The following THADA variants were observed in gnomAD, a reference collection of about 807,000 sequenced individuals.
THADA encodes THADA armadillo repeat containing, also known as tRNA (32-2'-O)-methyltransferase regulator THADA.
In THADA, 213 loss-of-function variants were observed where a neutral mutation model predicts 219.8. That is an observed-to-expected ratio of 0.97 (90% CI 0.87 to 1.09). The LOEUF (loss-of-function observed/expected upper bound fraction) is 1.09, where lower values mean the gene tolerates loss of function less well. Ranked by LOEUF, THADA falls within the 50% of genes least tolerant of loss-of-function variation. THADA has a pLI of 0.00. For missense variants in THADA, 2,956 were observed against 2,311.3 expected (o/e 1.28, Z -5.72); for synonymous variants, 1,018 against 828.9 (o/e 1.23, Z -3.92).
chr2:43,255,851 A>G (rs1464246201), intron 36 of THADA, among the ~76,000 whole-genome samples: 1 of 152,174 alleles, frequency 6.6e-6, no homozygotes, highest in African/African-American at 2.4e-5. Flanking sequence ...TTTCATTCCC[A>G]TCAAAGGTGA....
chr2:43,341,273 G>A (rs1219527400), intron 30 of THADA, among the ~76,000 whole-genome samples: 2 of 152,198 alleles, frequency 1.3e-5, no homozygotes, highest in African/African-American at 4.8e-5. Context: ...GGGCAAGGAA[G>A]GTGGAAACCC....
chr2:43,538,612 T>C (rs888665052), intron 21 of THADA: 6 of 142,114 alleles, frequency 4.2e-5, no homozygotes, highest in Non-Finnish European at 7.5e-5. Flanking sequence ...AAAAATTAAA[T>C]GAGCAGCTCA....
intron 26 of THADA, among the ~76,000 whole-genome samples, chr2:43,434,543 C>T (rs530464279): frequency 2.6e-5 from 4 of 152,218 alleles, no homozygotes; most frequent in Admixed American, 6.5e-5. Context: ...GGCACATGGG[C>T]GGAGGAACAC....
At chr2:43,468,157 TAGCC>T (rs2104951884) in intron 26 of THADA, among the ~76,000 whole-genome samples, 1 of 152,334 alleles carries the variant, frequency 6.6e-6, no homozygotes, top group East Asian at 1.9e-4. Context: ...TAAATGAAAA[TAGCC>T]AGTCACACGG....
At chr2:43,580,772 C>G (rs554839028) in intron 8 of THADA, among the ~76,000 whole-genome samples, 10 of 151,710 alleles carry the variant, frequency 6.6e-5, no homozygotes, top group African/African-American at 2.4e-4. Context: ...CCCAGCTACT[C>G]GGGAGGCTGA....
At position 43,581,896 on chromosome 2, in the gene THADA, T is replaced by C. The variant is rs946649968; in HGVS notation, c.566A>G (p.Gln189Arg). ...GCCTACCAGTAAGTCATTCATCAAC[T>C]GTGTTTGAATAATATGATTTCCAGC... Reference protein sequence around the residue: ...KCAGNHIIQTQLMNDLLVGIR... With the variant: ...KCAGNHIIQTRLMNDLLVGIR... The change falls in exon 8 of 38, where the codon CAG becomes CGG. Residue 189 changes from glutamine (Q) to arginine (R), a missense_variant. Gln to Arg is a conservative substitution (Grantham distance 43). Transcript: ENST00000405975. 5 of 1,567,210 alleles carry C rather than the reference T, an allele frequency of 3.2e-6. No individual in the cohort carries two copies. The highest frequency in any genetic ancestry group is 4.1e-5 in the Admixed American group (2 of 48,954).
At chr2:43,491,273 C>G (rs1687603360) in intron 25 of THADA, among the ~76,000 whole-genome samples, 1 of 152,200 alleles carries the variant, frequency 6.6e-6, no homozygotes, top group Admixed American at 6.5e-5. Flanking sequence ...TGATAGCAAT[C>G]TTAATGTGAG....
Position 43,571,048 on chromosome 2 carries a change from G to A in THADA, c.2065-538C>T, listed in dbSNP as rs150995638. 2.9e-3 allele frequency among the ~76,000 whole-genome samples: 448 copies of A among 152,198 alleles called. 4 individuals are homozygous for A. Among genetic ancestry groups the A allele is most frequent in the African/African-American group, 9.5e-3 (395 of 41,538 alleles). ...AGGTGGCAGGACCACTAGAGTCCAG[G>A]AGTTTAAGACCAGCCTGGGTAACAG... On this transcript the variant is annotated intron_variant, in intron 13 of 37. Transcript: ENST00000405975.
chr2:43,337,800 G>A (rs1666634627), intron 30 of THADA, among the ~76,000 whole-genome samples: 1 of 151,984 alleles, frequency 6.6e-6, no homozygotes, highest in African/African-American at 2.4e-5. Flanking sequence ...GCCAGCAATG[G>A]TTAGGTAAAT....
At chr2:43,559,857 T>C (rs1468633721) in intron 16 of THADA, among the ~76,000 whole-genome samples, 1 of 152,188 alleles carries the variant, frequency 6.6e-6, no homozygotes, top group Non-Finnish European at 1.5e-5. Flanking sequence ...AGGGAGATTA[T>C]CTCGAAAAAT....
In THADA at chr2:43,515,235, A is replaced by T. The variant is rs867040090; in HGVS notation, c.3375-6455T>A. 7.4e-3 allele frequency among the ~76,000 whole-genome samples: 142 copies of T among 19,096 alleles called. 16 individuals carry two copies. The highest frequency in any genetic ancestry group is 0.011 in the African/African-American group (44 of 3,974). 12.5% of individuals were successfully genotyped at this position (19,096 alleles called of 152,430 possible). A position where few individuals can be genotyped will look rare whatever the true frequency, so the allele number is the denominator to read the frequency against. On this transcript the variant is annotated intron_variant, in intron 22 of 37. Transcript: ENST00000405975. The stretch of plus-strand genomic sequence containing the variant: ...ATATAATATATTATATATAATATAT[A>T]ATATATAATATATTATATATAATAT...
chr2:43,291,971 AC>A, intron 33 of THADA, 132 bp downstream of exon 33: 1 of 760,436 alleles, frequency 1.3e-6, no homozygotes, highest in Non-Finnish European at 2.1e-6. Context: ...TGAGTTTAGA[AC>A]TCTTAGGCTG....
At chr2:43,416,845 A>G (rs1196024888) in intron 28 of THADA, among the ~76,000 whole-genome samples, 1 of 152,254 alleles carries the variant, frequency 6.6e-6, no homozygotes, top group African/African-American at 2.4e-5. Flanking sequence ...TTACTTATCC[A>G]TTAAAGCAGT....
rs1471067032 is a variant in THADA at position 43,573,064 on chromosome 2, A to G, written c.1730-72T>C. On this transcript the variant is annotated intron_variant, in intron 11 of 37. Coordinates refer to ENST00000405975, the MANE Select transcript of THADA (RefSeq NM_022065.5). The stretch of plus-strand genomic sequence containing the variant: ...CTATAATTATCAGCTGCTAATTTTC[A>G]TGTTTCCAATTAACATTTTATTTCA... The G allele has an allele frequency of 1.7e-5, 21 of 1,202,696 alleles. No homozygotes were observed. In the Admixed American group the frequency reaches 5.1e-4, roughly 29 times the overall value. 74.5% of individuals were successfully genotyped at this position (1,202,696 alleles called of 1,614,324 possible). A position where few individuals can be genotyped will look rare whatever the true frequency, so the allele number is the denominator to read the frequency against.
At chr2:43,241,072 G>C (rs1274417362) in intron 36 of THADA, among the ~76,000 whole-genome samples, 1 of 152,094 alleles carries the variant, frequency 6.6e-6, no homozygotes, top group African/African-American at 2.4e-5. Context: ...ACCGGGCCCA[G>C]GTGGACCCCT....
At chr2:43,516,623 G>A (rs1205700118) in intron 22 of THADA, among the ~76,000 whole-genome samples, 4 of 152,102 alleles carry the variant, frequency 2.6e-5, no homozygotes, top group Non-Finnish European at 4.4e-5. Flanking sequence ...TAGAAGAGAC[G>A]GAAGCTAAAT....
rs1345775768 is a variant in THADA at position 43,297,278 on chromosome 2, A to G, written c.4439-4065T>C. ...CGTCTCTGCCCGGCCACCCCGTCTG[A>G]GAAGTGAGGAGACCCTCTGCCTGGC... is the stretch of plus-strand genomic sequence containing the variant. On this transcript the variant is annotated intron_variant, in intron 31 of 37. Transcript: ENST00000405975. 2.1e-3 allele frequency among the ~76,000 whole-genome samples: 202 copies of G among 94,794 alleles called. 2 individuals carry two copies. Among genetic ancestry groups the G allele is most frequent in the Admixed American group, 3.2e-3 (33 of 10,412 alleles). The allele number at this position is 94,794 out of a possible 152,430, so 62.2% of individuals were successfully genotyped here.
At chr2:43,285,618 C>CAA (rs1248740572) in intron 35 of THADA, among the ~76,000 whole-genome samples, 1 of 150,478 alleles carries the variant, frequency 6.6e-6, no homozygotes, top group Non-Finnish European at 1.5e-5. Context: ...GACTGGAGTG[C>CAA]AATGGCGTGA....
chr2:43,303,303 G>A (rs1263666174), intron 31 of THADA, among the ~76,000 whole-genome samples: 2 of 152,176 alleles, frequency 1.3e-5, no homozygotes, highest in Admixed American at 6.6e-5. Flanking sequence ...TCTGCAACAT[G>A]AACAGTCATT....
Sources: allele counts gnomAD v4.1 joint callset (sites outside exome capture counted in the v4.1 genomes callset), GRCh38; gene constraint gnomAD v4.1.1; transcripts MANE v1.5; gene names NCBI Gene and HGNC (gene_info 2026-07-23, HGNC 2026-07-21).